The following NLRP4 variants were observed in gnomAD, a reference collection of about 807,000 sequenced individuals.
The protein encoded by NLRP4 is NLR family pyrin domain containing 4, also known as NACHT, LRR and PYD domains-containing protein 4.
NLRP4 carries 44 observed loss-of-function variants against 84.7 expected under a neutral mutation model. That is an observed-to-expected ratio of 0.52 (90% CI 0.41 to 0.67). The LOEUF (loss-of-function observed/expected upper bound fraction) is 0.67, where lower values mean the gene tolerates loss of function less well. Ranked by LOEUF, NLRP4 falls within the 30% of genes least tolerant of loss-of-function variation. The pLI is 0.00. For synonymous variants in NLRP4, 544 were observed against 476.4 expected (o/e 1.14, Z -1.85); for missense variants, 1,260 against 1,219.4 (o/e 1.03, Z -0.50).
chr19:55,859,926 CAAAAAAAAAAAA>C (rs1166037425), intron 3 of NLRP4, among the ~76,000 whole-genome samples: 2 of 17,494 alleles, frequency 1.1e-4, no homozygotes, highest in Admixed American at 8.8e-4. Context: ...CTCTCATCTC[CAAAAAAAAAAAA>C]AAAAAAAAAA....
chr19:55,852,476 GTT>G (rs11301833), intron 2 of NLRP4, 116 bp downstream of exon 2: 26,918 of 433,722 alleles, frequency 0.062, 71 homozygotes, highest in East Asian at 0.1. Context: ...AAAATATTAG[GTT>G]TTTTTTTTTT....
chr19:55,842,284 T>C (rs1476839032), intron 1 of NLRP4, among the ~76,000 whole-genome samples: 1 of 152,232 alleles, frequency 6.6e-6, no homozygotes, highest in Non-Finnish European at 1.5e-5. Flanking sequence ...TCTGTGTAAT[T>C]ACTAATAAGA....
At chr19:55,849,636 T>G (rs994703321) in intron 1 of NLRP4, among the ~76,000 whole-genome samples, 2 of 152,254 alleles carry the variant, frequency 1.3e-5, no homozygotes, top group Non-Finnish European at 2.9e-5. Context: ...AGAGACGATC[T>G]GCCTCCATTG....
intron 6 of NLRP4, among the ~76,000 whole-genome samples, chr19:55,868,505 T>TTC (rs1241176092): frequency 6.7e-6 from 1 of 148,418 alleles, no homozygotes; most frequent in East Asian, 1.9e-4. Context: ...ATTTGTGTCT[T>TTC]TTTTTTTTTT....
chr19:55,837,993 A>G (rs763008806), intron 1 of NLRP4, among the ~76,000 whole-genome samples: 5 of 140,638 alleles, frequency 3.6e-5, no homozygotes, highest in Admixed American at 7.1e-5. Flanking sequence ...CCGAGATTGC[A>G]CCATTGCACT....
At position 55,858,613 on chromosome 19, in the gene NLRP4, T is replaced by C; in HGVS notation, c.1220T>C (p.Met407Thr). The C allele has an allele frequency of 1.2e-6, 2 of 1,614,212 alleles. No individual in the cohort carries two copies. The highest frequency in any genetic ancestry group is 8.5e-7 in the Non-Finnish European group (1 of 1,180,032). ...CTGTGCTCCCTGGCTGCAGAGGGTA[T>C]GTGGACAGACACATTTGAGTTTTGT... is the stretch of plus-strand genomic sequence containing the variant. ...KALCSLAAEG[M>T]WTDTFEFCED... The change falls in exon 3 of 10, where the codon ATG (methionine) becomes ACG (threonine). Residue 407 changes from methionine to threonine, a missense_variant. Met to Thr is a moderately conservative substitution (Grantham distance 81). Transcript: ENST00000301295. This position sits in a 1 kb window ranked among gnomAD's most constrained non-coding sequence, Gnocchi z 4.2.
At chr19:55,869,330 CTT>C (rs1432942581) in intron 6 of NLRP4, among the ~76,000 whole-genome samples, 1 of 151,760 alleles carries the variant, frequency 6.6e-6, no homozygotes, top group African/African-American at 2.4e-5. Context: ...CACCACCACA[CTT>C]CAGCCTGGGT....
chr19:55,880,464 T>G lies in NLRP4; in HGVS notation c.2868-1006T>G, dbSNP rs150337193. On this transcript the variant is annotated intron_variant, in intron 9 of 9. Transcript: ENST00000301295. ...GATTATCAGCCTCCTATCTACAAAA[T>G]AGGGATGATTATTTGGCATGGTAAT... Among the ~76,000 whole-genome samples, 264 of 152,300 alleles carry G rather than the reference T, an allele frequency of 1.7e-3. 4 individuals carry two copies. In the East Asian group the frequency reaches 0.024, roughly 14 times the overall value.
intron 9 of NLRP4, among the ~76,000 whole-genome samples, chr19:55,879,828 A>C (rs1452702809): frequency 1.3e-5 from 1 of 77,696 alleles, no homozygotes; most frequent in Non-Finnish European, 2.8e-5. Flanking sequence ...TATATCACTT[A>C]TTATTATAAT....
chr19:55,851,131 GAGGC>G lies in NLRP4; in HGVS notation c.-65-884_-65-881del, dbSNP rs1270967275. 2.9e-4 allele frequency among the ~76,000 whole-genome samples: 28 copies of G among 96,812 alleles called. 1 individual carries two copies. Among genetic ancestry groups the G allele is most frequent in the Non-Finnish European group, 3.7e-4 (20 of 53,864 alleles). 63.5% of individuals were successfully genotyped at this position (96,812 alleles called of 152,430 possible). A position where few individuals can be genotyped will look rare whatever the true frequency, so the allele number is the denominator to read the frequency against. ...TGTCCGTGGCTGCGGTGTAATGTCC[GAGGC>G]TGCGGTGTAATTTACGAGGCTGCGG... On this transcript the variant is annotated intron_variant, in intron 1 of 9. Coordinates refer to ENST00000301295, the MANE Select transcript of NLRP4 (RefSeq NM_134444.5).
chr19:55,859,994 T>TTTC (rs1204989535), intron 3 of NLRP4, among the ~76,000 whole-genome samples: 2 of 149,546 alleles, frequency 1.3e-5, no homozygotes, highest in African/African-American at 4.9e-5. Context: ...TTCTTTTTTT[T>TTTC]TTTTTTTCTG....
chr19:55,848,405 C>CATACT (rs1018350199), intron 1 of NLRP4, among the ~76,000 whole-genome samples: 2 of 151,646 alleles, frequency 1.3e-5, no homozygotes, highest in African/African-American at 4.8e-5. Flanking sequence ...GATACTATAG[C>CATACT]ATACTATACT....
At chr19:55,843,429 A>G (rs1013255875) in intron 1 of NLRP4, among the ~76,000 whole-genome samples, 12 of 152,058 alleles carry the variant, frequency 7.9e-5, no homozygotes, top group South Asian at 6.2e-4. Context: ...TGGCTCACAC[A>G]CCTGTAATCC....
intron 7 of NLRP4, among the ~76,000 whole-genome samples, chr19:55,875,737 A>G (rs1238660953): frequency 1.3e-5 from 2 of 152,174 alleles, no homozygotes; most frequent in Non-Finnish European, 2.9e-5. Flanking sequence ...CACCTAAAAT[A>G]TAAAAAGTGG....
chr19:55,857,671 C>A lies in NLRP4; in HGVS notation c.281-3C>A. 1 of 1,611,496 alleles carries A rather than the reference C, an allele frequency of 6.2e-7. No individual in the cohort carries two copies. The highest frequency in any genetic ancestry group is 1.7e-4 in the Middle Eastern group (1 of 6,056). ...TTCTCTCCTCTTGCCCTCACTGACT[C>A]AGGATACACAAAGACCTATCAAGCT... On this transcript the variant is annotated splice_polypyrimidine_tract_variant and splice_region_variant and intron_variant, in intron 2 of 9. Transcript: ENST00000301295.
intron 7 of NLRP4, among the ~76,000 whole-genome samples, chr19:55,874,487 A>C (rs2123064438): frequency 6.6e-6 from 1 of 152,340 alleles, no homozygotes; most frequent in South Asian, 2.1e-4. Context: ...AGATATTAAA[A>C]AGATTACATA....
At chr19:55,869,383 CAA>C (rs34026493) in intron 6 of NLRP4, among the ~76,000 whole-genome samples, 1 of 148,972 alleles carries the variant, frequency 6.7e-6, no homozygotes, top group Non-Finnish European at 1.5e-5. Flanking sequence ...AAAAATAAAC[CAA>C]AAAAAAAACA....
Position 55,857,669 on chromosome 19 carries a change from C to G in NLRP4, c.281-5C>G, listed in dbSNP as rs576096082. On this transcript the variant is annotated splice_polypyrimidine_tract_variant and splice_region_variant and intron_variant, in intron 2 of 9. Transcript: ENST00000301295. ...TTTTCTCTCCTCTTGCCCTCACTGA[C>G]TCAGGATACACAAAGACCTATCAAG... 8.1e-6 allele frequency: 13 copies of G among 1,611,208 alleles called. 1 individual carries two copies. In the East Asian group the frequency reaches 2.2e-4, roughly 28 times the overall value.
intron 7 of NLRP4, among the ~76,000 whole-genome samples, chr19:55,874,667 C>G (rs919844783): frequency 6.6e-6 from 1 of 152,132 alleles, no homozygotes; most frequent in Non-Finnish European, 1.5e-5. Context: ...TCTTACCAGA[C>G]ATTCAAAGAA....
Sources: allele counts gnomAD v4.1 joint callset (sites outside exome capture counted in the v4.1 genomes callset), GRCh38; gene constraint gnomAD v4.1.1; non-coding constraint Gnocchi (gnomAD v3.1); transcripts MANE v1.5; gene names NCBI Gene and HGNC (gene_info 2026-07-23, HGNC 2026-07-21).